The following RBFOX3 variants were observed in gnomAD, a reference collection of about 807,000 sequenced individuals.
The protein encoded by RBFOX3 is RNA binding fox-1 homolog 3.
In RBFOX3, 17 loss-of-function variants were observed where a neutral mutation model predicts 48.7. The observed-to-expected ratio is 0.35, with a 90% confidence interval of 0.24 to 0.52. The LOEUF is 0.52. Ranked by LOEUF, RBFOX3 falls within the 20% of genes least tolerant of loss-of-function variation. The pLI is 0.94. For synonymous variants in RBFOX3, 212 were observed against 209.5 expected (o/e 1.01, Z -0.10); for missense variants, 382 against 497.5 (o/e 0.77, Z 2.21).
intron 3 of RBFOX3, among the ~76,000 whole-genome samples, chr17:79,300,015 C>T (rs2075060820): frequency 6.6e-6 from 1 of 152,108 alleles, no homozygotes; most frequent in South Asian, 2.1e-4. Context: ...AGTAATTCTC[C>T]CAACTCAGCC....
At chr17:79,100,339 C>T (rs1253996088) in intron 9 of RBFOX3, 2 of 152,158 alleles carry the variant, frequency 1.3e-5, no homozygotes, top group Non-Finnish European at 2.9e-5. Flanking sequence ...AGAGTCACAC[C>T]CAGGACGCAC....
chr17:79,316,631 G>A (rs1054358577), intron 2 of RBFOX3, among the ~76,000 whole-genome samples: 6 of 152,290 alleles, frequency 3.9e-5, no homozygotes, highest in East Asian at 1.9e-4. Flanking sequence ...AGGCCACCAC[G>A]GCCCCAGACC....
chr17:79,120,877 G>A (rs1034166141), intron 4 of RBFOX3, among the ~76,000 whole-genome samples: 3 of 152,000 alleles, frequency 2.0e-5, no homozygotes, highest in Non-Finnish European at 4.4e-5. Context: ...AAACTGGTAA[G>A]ACCCAGCTCT....
chr17:79,559,969 T>C (rs1488634223), intron 1 of RBFOX3, among the ~76,000 whole-genome samples: 1 of 142,732 alleles, frequency 7.0e-6, no homozygotes, highest in Non-Finnish European at 1.5e-5. Context: ...AATGGGTGGA[T>C]AGATGGATGG....
At chr17:79,649,027 G>T in the RBFOX3 span, among the ~76,000 whole-genome samples, 4 of 146,222 alleles carry the variant, frequency 2.7e-5, no homozygotes, top group Non-Finnish European at 6.0e-5. Context: ...AACCCAGGCT[G>T]GAGTGCAGAG....
chr17:79,645,929 C>T, the RBFOX3 span, among the ~76,000 whole-genome samples: 1 of 152,188 alleles, frequency 6.6e-6, no homozygotes, highest in African/African-American at 2.4e-5. Flanking sequence ...ATTCGACATC[C>T]TTGATTTAGA....
intron 4 of RBFOX3, among the ~76,000 whole-genome samples, chr17:79,172,885 TTCATC>T (rs1295298906): frequency 6.6e-6 from 1 of 152,186 alleles, no homozygotes. Flanking sequence ...ATGATTGAAA[TTCATC>T]TCATCTGTTT....
intron 4 of RBFOX3, among the ~76,000 whole-genome samples, chr17:79,226,308 G>A (rs928055693): frequency 4.7e-4 from 71 of 152,286 alleles, no homozygotes; most frequent in Admixed American, 9.8e-4. Flanking sequence ...GAGGAGGAGT[G>A]CAGCCCAACT....
intron 4 of RBFOX3, among the ~76,000 whole-genome samples, chr17:79,233,216 G>C (rs951204264): frequency 2.6e-5 from 4 of 152,172 alleles, no homozygotes; most frequent in Admixed American, 1.3e-4. Context: ...AGGAACCTCT[G>C]AATAACTATG....
intron 1 of RBFOX3, among the ~76,000 whole-genome samples, chr17:79,608,227 G>A (rs1162216703): frequency 6.6e-6 from 1 of 152,228 alleles, no homozygotes; most frequent in African/African-American, 2.4e-5. Flanking sequence ...ATCCGCCTCT[G>A]GTCCCTGCGG....
intron 1 of RBFOX3, among the ~76,000 whole-genome samples, chr17:79,608,908 A>G (rs1161088796): frequency 6.6e-6 from 1 of 151,896 alleles, no homozygotes; most frequent in Non-Finnish European, 1.5e-5. Context: ...GATGGTTCTA[A>G]GAAGGCTCCC....
In RBFOX3 at chr17:79,224,552, A is replaced by C. The variant is rs534101839; in HGVS notation, c.-34+11214T>G. ...CCCATAGCTGGGAACTCCAGGGTGA[A>C]ACTAACATTCCAGGTGGCCCTGCGG... is the stretch of plus-strand genomic sequence containing the variant. On this transcript the variant is annotated intron_variant, in intron 4 of 14. Coordinates refer to ENST00000693108, the MANE Select transcript of RBFOX3 (RefSeq NM_001350451.2). Among the ~76,000 whole-genome samples the C allele has an allele frequency of 5.9e-5, 9 of 152,288 alleles. No homozygotes were observed. The South Asian group carries it at 8.3e-4, about 14-fold the overall frequency.
At chr17:79,491,592 T>C (rs1376574748) in intron 1 of RBFOX3, among the ~76,000 whole-genome samples, 1 of 152,060 alleles carries the variant, frequency 6.6e-6, no homozygotes, top group African/African-American at 2.4e-5. Context: ...GCAAGCCACC[T>C]CCCGGGTTTC....
chr17:79,555,911 T>C (rs1725304809), intron 1 of RBFOX3, among the ~76,000 whole-genome samples: 1 of 151,984 alleles, frequency 6.6e-6, no homozygotes, highest in Non-Finnish European at 1.5e-5. Flanking sequence ...AGCAATGGTG[T>C]TGGCAACAAT....
chr17:79,457,397 G>A (rs576638740), intron 2 of RBFOX3, among the ~76,000 whole-genome samples: 15 of 152,308 alleles, frequency 9.8e-5, no homozygotes, highest in African/African-American at 3.1e-4. Context: ...ATGAATGGGG[G>A]TACGGCCTTT....
intron 4 of RBFOX3, among the ~76,000 whole-genome samples, chr17:79,209,300 A>G (rs1465052194): frequency 6.6e-6 from 1 of 152,168 alleles, no homozygotes; most frequent in African/African-American, 2.4e-5. Context: ...CCCCATCACC[A>G]TGTTTGCACC....
chr17:79,118,820 A>AT (rs2034849367), intron 4 of RBFOX3, among the ~76,000 whole-genome samples: 1 of 151,502 alleles, frequency 6.6e-6, no homozygotes, highest in African/African-American at 2.4e-5. Context: ...AAAATAAAAA[A>AT]AAAAAAAATA....
intron 2 of RBFOX3, among the ~76,000 whole-genome samples, chr17:79,399,120 C>T (rs1015444981): frequency 2.0e-5 from 3 of 152,120 alleles, no homozygotes; most frequent in South Asian, 2.1e-4. Context: ...GCTAAGAAGC[C>T]GTGGGGAGGA....
chr17:79,660,738 A>T, the RBFOX3 span, among the ~76,000 whole-genome samples: 4 of 152,250 alleles, frequency 2.6e-5, no homozygotes, highest in Non-Finnish European at 5.9e-5. Context: ...TCAAAGATCT[A>T]GAGGCAGAAA....
Sources: gnomAD v4.1 joint callset for allele counts (sites outside exome capture counted in the v4.1 genomes callset) on GRCh38, gnomAD v4.1.1 for gene constraint, MANE v1.5 for transcripts, NCBI Gene and HGNC (gene_info 2026-07-23, HGNC 2026-07-21) for gene names.